FBF1: variants seen among roughly 807,000 people sequenced by gnomAD.
FBF1 encodes the protein fas-binding factor 1.
In FBF1, 119 loss-of-function variants were observed where a neutral mutation model predicts 147.2. The ratio of observed to expected loss-of-function variants is 0.81; its 90% CI spans 0.70 to 0.94. The LOEUF is 0.94. Ranked by LOEUF, FBF1 falls within the 40% of genes least tolerant of loss-of-function variation. The probability of loss-of-function intolerance (pLI) is 0.00; values close to 1 mark genes in which losing one functional copy is unlikely to be tolerated. For missense variants in FBF1, 1,449 were observed against 1,500.8 expected (o/e 0.97, Z 0.57); for synonymous variants, 601 against 609.0 (o/e 0.99, Z 0.19).
intron 28 of FBF1, chr17:75,913,400 G>T: frequency 4.0e-6 from 1 of 250,788 alleles, no homozygotes; most frequent in Non-Finnish European, 7.5e-6. Flanking sequence ...CGCCTGCCTC[G>T]GCTGCCGAAA....
chr17:75,935,532 A>G, intron 4 of FBF1, 100 bp downstream of exon 4: 8 of 1,246,958 alleles, frequency 6.4e-6, no homozygotes, highest in Non-Finnish European at 8.8e-6. Context: ...CGGGAGGATC[A>G]TTTCAGTCCA....
chr17:75,931,240 C>T lies in FBF1; in HGVS notation c.217G>A (p.Ala73Thr), dbSNP rs537681952. The T allele has an allele frequency of 4.9e-5, 77 of 1,578,082 alleles. 1 individual carries two copies. The South Asian group carries it at 8.1e-4, about 17-fold the overall frequency. Residue 73 changes from alanine to threonine, a missense_variant, in exon 6 of 30, where the codon GCT (alanine) becomes ACT (threonine). Physicochemically the swap from Ala to Thr is moderately conservative, Grantham distance 58. Coordinates refer to ENST00000636174, the MANE Select transcript of FBF1 (RefSeq NM_001319193.2). ...VFSTMAGLEE[A>T]DAEVSGISEA... Reference sequence around the variant, plus strand: ...ACAGCCAGGCTCACCTCAGCATCAGCTTCTTCCAGGCCTGCCATGGTGCTG... The same window carrying T: ...ACAGCCAGGCTCACCTCAGCATCAGTTTCTTCCAGGCCTGCCATGGTGCTG...
In FBF1 at chr17:75,914,686, T is replaced by A; in HGVS notation, c.2814+61A>T. The A allele has an allele frequency of 5.5e-6, 8 of 1,457,824 alleles. No individual in the cohort carries two copies. In the South Asian group the frequency reaches 5.6e-5, roughly 10 times the overall value. The allele number at this position is 1,457,824 out of a possible 1,614,324, so 90.3% of individuals were successfully genotyped here. A position where few individuals can be genotyped will look rare whatever the true frequency, so the allele number is the denominator to read the frequency against. On this transcript the variant is annotated intron_variant, in intron 25 of 29. Transcript: ENST00000636174. ...TTTCCTAAGACTGGAAGCGGATGTGTCCAGATGGAGGGGCGCAGGCAACCC... is the reference window on the plus strand; with the variant it reads ...TTTCCTAAGACTGGAAGCGGATGTGACCAGATGGAGGGGCGCAGGCAACCC...
At chr17:75,936,300 C>T (rs759283655) in intron 3 of FBF1, among the ~76,000 whole-genome samples, 2 of 151,742 alleles carry the variant, frequency 1.3e-5, no homozygotes, top group Admixed American at 6.6e-5. Flanking sequence ...GGCGACAGAG[C>T]GATACGCCGT....
At chr17:75,920,234 C>T in intron 18 of FBF1, 40 bp downstream of exon 18, 1 of 1,597,976 alleles carries the variant, frequency 6.3e-7, no homozygotes, top group Non-Finnish European at 8.5e-7. Context: ...CCTCCTGTCG[C>T]AACCCTGCCA....
At chr17:75,916,272 A>G (rs527863379) in intron 23 of FBF1, among the ~76,000 whole-genome samples, 2 of 151,530 alleles carry the variant, frequency 1.3e-5, no homozygotes, top group Admixed American at 1.3e-4. Context: ...GTGGGCTGAG[A>G]TCTTGCCACT....
chr17:75,927,011 G>T, intron 9 of FBF1, 134 bp from the exon 10 acceptor site: 4 of 1,284,452 alleles, frequency 3.1e-6, no homozygotes, highest in Non-Finnish European at 4.2e-6. Context: ...GGCATCTGGA[G>T]GGTGGGGCCT....
At chr17:75,914,357 C>A in intron 25 of FBF1, 59 bp from the exon 26 acceptor site, 1 of 1,530,754 alleles carries the variant, frequency 6.5e-7, no homozygotes. Flanking sequence ...GCACTCTGTG[C>A]AGGACTCTAG....
At position 75,919,293 on chromosome 17, in the gene FBF1, G is replaced by A. The variant is rs552951717; in HGVS notation, c.2138+375C>T. ...TCTTAGTTTCCTTCTCTTCTAGAAA[G>A]GCAACCCTATAAACATGGCAGGCAC... On this transcript the variant is annotated intron_variant, in intron 20 of 29. Coordinates refer to ENST00000636174, the MANE Select transcript of FBF1 (RefSeq NM_001319193.2). This position sits in a 1 kb window ranked among gnomAD's most constrained non-coding sequence, Gnocchi z 5.0. Among the ~76,000 whole-genome samples the A allele has an allele frequency of 1.8e-3, 271 of 152,324 alleles. No individual in the cohort carries two copies. The highest frequency in any genetic ancestry group is 3.2e-3 in the Non-Finnish European group (219 of 68,020).
At chr17:75,929,945 A>AGGGGGGGCCCCC in intron 7 of FBF1, 52 bp downstream of exon 7, 1 of 650,900 alleles carries the variant, frequency 1.5e-6, no homozygotes. Context: ...AAATATCATG[A>AGGGGGGGCCCCC]CCCCACCCCA....
intron 6 of FBF1, among the ~76,000 whole-genome samples, chr17:75,930,658 G>C (rs1324243410): frequency 6.6e-6 from 1 of 152,126 alleles, no homozygotes; most frequent in African/African-American, 2.4e-5. Context: ...GGCACGGTGG[G>C]TCAGCCTGTA....
chr17:75,914,983 A>G (rs1213130193), intron 24 of FBF1, 34 bp downstream of exon 24: 1 of 1,612,288 alleles, frequency 6.2e-7, no homozygotes, highest in Middle Eastern at 1.7e-4. Flanking sequence ...GCATAATGGC[A>G]GGGGCAGGGG....
chr17:75,916,904 G>A (rs1328500511), intron 23 of FBF1, among the ~76,000 whole-genome samples: 1 of 152,222 alleles, frequency 6.6e-6, no homozygotes. Context: ...AGACTGGTGT[G>A]CCATGTTATG....
At position 75,928,536 on chromosome 17, in the gene FBF1, G is replaced by A. The variant is rs2065575804; in HGVS notation, c.280-343C>T. ...CTTTTTTTAGACAGGATATTGGCCG[G>A]GCGCGGTGGCTCATGCCTAGAATCC... On this transcript the variant is annotated intron_variant, in intron 7 of 29. Transcript: ENST00000636174. This position sits in a 1 kb window ranked among gnomAD's most constrained non-coding sequence, Gnocchi z 4.2. 6.6e-6 allele frequency among the ~76,000 whole-genome samples: 1 copy of A among 152,108 alleles called. No individual in the cohort carries two copies. Among genetic ancestry groups the A allele is most frequent in the African/African-American group, 2.4e-5 (1 of 41,402 alleles).
At position 75,917,825 on chromosome 17, in the gene FBF1, C is replaced by G; in HGVS notation, c.2412G>C (p.Gln804His). 1 of 1,606,790 alleles carries G rather than the reference C, an allele frequency of 6.2e-7. No individual in the cohort carries two copies. Among genetic ancestry groups the G allele is most frequent in the Non-Finnish European group, 8.5e-7 (1 of 1,178,024 alleles). ...LRALQERLGQ[Q>H]QRDMEEERSR... ...TCCGCTCCTCCTCCATGTCCCGCTG[C>G]TGCTGGCCCAGCCGCTCCTGCAGTG... Residue 804 changes from glutamine to histidine, a missense_variant, in exon 23 of 30, where the codon CAG (glutamine) becomes CAC (histidine). Transcript: ENST00000636174.
At chr17:75,914,630 A>G (rs2065476546) in intron 25 of FBF1, 117 bp downstream of exon 25, 1 of 1,093,802 alleles carries the variant, frequency 9.1e-7, no homozygotes, top group Non-Finnish European at 1.3e-6. Context: ...TTTAATCCCT[A>G]TGCTCTTGTG....
chr17:75,921,854 G>T, intron 15 of FBF1, 91 bp downstream of exon 15: 1 of 1,178,800 alleles, frequency 8.5e-7, no homozygotes, highest in Non-Finnish European at 1.2e-6. Context: ...GGCAGGGGCA[G>T]GGTGAACAGC....
At chr17:75,920,960 C>T (rs1320609207) in intron 17 of FBF1, among the ~76,000 whole-genome samples, 6 of 152,060 alleles carry the variant, frequency 3.9e-5, no homozygotes, top group Non-Finnish European at 8.8e-5. Flanking sequence ...CAGGACCCTG[C>T]GGCCCTGCTT....
At chr17:75,937,989 G>A in intron 2 of FBF1, 158 bp downstream of exon 2, 1 of 1,133,692 alleles carries the variant, frequency 8.8e-7, no homozygotes, top group Non-Finnish European at 1.3e-6. Flanking sequence ...GTCGTCGAAA[G>A]TTTGGTATCA....
Sources: gnomAD v4.1 joint callset for allele counts (sites outside exome capture counted in the v4.1 genomes callset) on GRCh38, gnomAD v4.1.1 for gene constraint, Gnocchi (gnomAD v3.1) non-coding constraint, MANE v1.5 for transcripts, NCBI Gene and HGNC (gene_info 2026-07-23, HGNC 2026-07-21) for gene names.